The following MYLK4 variants were observed in gnomAD, a reference collection of about 807,000 sequenced individuals.
MYLK4 encodes myosin light chain kinase family member 4.
A neutral mutation model predicts 48.1 loss-of-function variants in MYLK4; 46 were observed. The ratio of observed to expected loss-of-function variants is 0.96; its 90% CI spans 0.75 to 1.22. The LOEUF is 1.22. Among genes scored for constraint, MYLK4 ranks in the 50% most tolerant of loss-of-function variants. MYLK4 has a pLI of 0.00. For synonymous variants in MYLK4, 170 were observed against 180.8 expected, an observed-to-expected ratio of 0.94 and a Z score of 0.48; for missense variants, 451 against 486.1, an observed-to-expected ratio of 0.93 and a Z score of 0.68.
chr6:2,718,781 T>C (rs952950998), intron 2 of MYLK4, among the ~76,000 whole-genome samples: 4 of 152,254 alleles, frequency 2.6e-5, no homozygotes, highest in Non-Finnish European at 5.9e-5. Context: ...CTGGTGTGGT[T>C]AGTAAGAATC....
chr6:2,769,467 T>TA, the MYLK4 span, among the ~76,000 whole-genome samples: 57 of 151,644 alleles, frequency 3.8e-4, 1 homozygote, highest in Non-Finnish European at 2.4e-4. Flanking sequence ...ATACTCTAAA[T>TA]AAAAAAAAAT....
intron 2 of MYLK4, among the ~76,000 whole-genome samples, chr6:2,708,636 G>C (rs957483432): frequency 6.6e-6 from 1 of 152,132 alleles, no homozygotes; most frequent in Admixed American, 6.6e-5. Flanking sequence ...TGTTGTTTTG[G>C]TTACACCCAG....
chr6:2,669,567 G>A (rs1490868313), intron 12 of MYLK4, among the ~76,000 whole-genome samples: 1 of 152,180 alleles, frequency 6.6e-6, no homozygotes. Context: ...CTCGGGGTTT[G>A]TGGTCGCTAG....
At chr6:2,706,085 A>C (rs183144165) in intron 2 of MYLK4, among the ~76,000 whole-genome samples, 1 of 152,232 alleles carries the variant, frequency 6.6e-6, no homozygotes, top group Non-Finnish European at 1.5e-5. Context: ...ATCTTTTCCC[A>C]CACTTTCATC....
intron 2 of MYLK4, among the ~76,000 whole-genome samples, 181 bp downstream of exon 2, chr6:2,748,955 G>C (rs1181094706): frequency 6.6e-6 from 1 of 152,296 alleles, no homozygotes; most frequent in African/African-American, 2.4e-5. Flanking sequence ...CAGTTTCAAA[G>C]GCCTCCTAAT....
In MYLK4 at chr6:2,678,299, C is replaced by G; in HGVS notation, c.961G>C (p.Asp321His). 1 of 1,614,008 alleles carries G rather than the reference C, an allele frequency of 6.2e-7. No homozygotes were observed. Among genetic ancestry groups the G allele is most frequent in the Non-Finnish European group, 8.5e-7 (1 of 1,180,000 alleles). Residue 321 changes from aspartate (D) to histidine (H), a missense_variant, in exon 10 of 13, where the codon GAC (aspartate) becomes CAC (histidine). Coordinates refer to ENST00000274643, the MANE Select transcript of MYLK4 (RefSeq NM_001012418.5). ...TLNNILACRWDLEDEEFQDIS... is the reference protein window; with the variant it reads ...TLNNILACRWHLEDEEFQDIS... ...TCCTGAAATTCTTCATCCTCTAAGTCCCACCTGCAGGCCAGGATGTTGTTC... is the reference window on the plus strand; with the variant it reads ...TCCTGAAATTCTTCATCCTCTAAGTGCCACCTGCAGGCCAGGATGTTGTTC...
chr6:2,743,424 A>G (rs1257538370), intron 2 of MYLK4, among the ~76,000 whole-genome samples: 1 of 152,200 alleles, frequency 6.6e-6, no homozygotes, highest in African/African-American at 2.4e-5. Flanking sequence ...ACTGAATTCC[A>G]TTCCTGGAAT....
chr6:2,737,243 G>A (rs1476655509), intron 2 of MYLK4, among the ~76,000 whole-genome samples: 3 of 152,226 alleles, frequency 2.0e-5, no homozygotes, highest in Non-Finnish European at 4.4e-5. Context: ...AACCCGGGAG[G>A]CGGAGGTTGC....
intron 1 of MYLK4, among the ~76,000 whole-genome samples, chr6:2,750,526 G>A (rs536495839): frequency 6.6e-6 from 1 of 152,234 alleles, no homozygotes; most frequent in Non-Finnish European, 1.5e-5. Flanking sequence ...AAAATACTAT[G>A]GTTAATTGCA....
intron 2 of MYLK4, among the ~76,000 whole-genome samples, chr6:2,741,479 G>A (rs548381259): frequency 2.0e-5 from 3 of 152,278 alleles, no homozygotes; most frequent in African/African-American, 7.2e-5. Context: ...TGACTCATCT[G>A]TGCATTTGGT....
chr6:2,680,121 A>G (rs1322452156), intron 8 of MYLK4, 100 bp downstream of exon 8: 4 of 1,310,040 alleles, frequency 3.1e-6, no homozygotes, highest in Non-Finnish European at 4.2e-6. Context: ...TATAAATGAG[A>G]TCATGAAACC....
Position 2,665,994 on chromosome 6 carries a change from G to C in MYLK4, c.*1931C>G, listed in dbSNP as rs192746742. On this transcript the variant is annotated 3_prime_UTR_variant, in exon 13 of 13. Coordinates refer to ENST00000274643, the MANE Select transcript of MYLK4 (RefSeq NM_001012418.5). ...GCATAGTCACATCACAGGAACATAA[G>C]AAACCAACCTCGGATAAATGCAAGG... 6.6e-6 allele frequency: 1 copy of C among 152,030 alleles called. No homozygotes were observed. Among genetic ancestry groups the C allele is most frequent in the Non-Finnish European group, 1.5e-5 (1 of 68,024 alleles). The allele number at this position is 152,030 out of a possible 1,614,324, so 9.4% of individuals were successfully genotyped here. A position where few individuals can be genotyped will look rare whatever the true frequency, so the allele number is the denominator to read the frequency against.
chr6:2,768,749 C>T, the MYLK4 span: 3 of 1,613,780 alleles, frequency 1.9e-6, no homozygotes, highest in East Asian at 2.2e-5. Flanking sequence ...AGGTTTGTGA[C>T]ATTATCTGCA....
the MYLK4 span, among the ~76,000 whole-genome samples, chr6:2,762,778 C>G: frequency 6.6e-6 from 1 of 152,162 alleles, no homozygotes; most frequent in Non-Finnish European, 1.5e-5. Flanking sequence ...CTCGCCGGCT[C>G]AGAAATCAAC....
intron 2 of MYLK4, among the ~76,000 whole-genome samples, chr6:2,706,694 C>T (rs1418561883): frequency 1.3e-5 from 2 of 152,128 alleles, no homozygotes. Flanking sequence ...TGAAATTCTT[C>T]GAGGAGGAGA....
intron 2 of MYLK4, among the ~76,000 whole-genome samples, chr6:2,717,065 A>G (rs550943874): frequency 6.6e-6 from 1 of 152,308 alleles, no homozygotes; most frequent in South Asian, 2.1e-4. Context: ...TTCCAAGAGA[A>G]GGGGACAGTA....
At chr6:2,731,653 C>A (rs73352574) in intron 2 of MYLK4, among the ~76,000 whole-genome samples, 2,887 of 152,264 alleles carry the variant, frequency 0.019, 81 homozygotes, top group African/African-American at 0.067. Context: ...GCTGAATTCT[C>A]TCTAAGGTTG....
intron 2 of MYLK4, among the ~76,000 whole-genome samples, chr6:2,731,808 G>A (rs181960671): frequency 2.6e-3 from 392 of 152,310 alleles, no homozygotes; most frequent in Non-Finnish European, 4.6e-3. Context: ...ATATGCGTAG[G>A]TTATCTTTTA....
At chr6:2,677,413 A>G (rs1478421462) in intron 10 of MYLK4, among the ~76,000 whole-genome samples, 1 of 152,208 alleles carries the variant, frequency 6.6e-6, no homozygotes, top group African/African-American at 2.4e-5. Context: ...CCATAAAGAT[A>G]ATAAAACGAT....
Sources: gnomAD v4.1 joint callset for allele counts (sites outside exome capture counted in the v4.1 genomes callset) on GRCh38, gnomAD v4.1.1 for gene constraint, MANE v1.5 for transcripts, NCBI Gene and HGNC (gene_info 2026-07-23, HGNC 2026-07-21) for gene names.